TAOK1: variants seen among roughly 807,000 people sequenced by gnomAD.
The protein encoded by TAOK1 is TAO kinase 1.
A neutral mutation model predicts 138.3 loss-of-function variants in TAOK1; 21 were observed. The observed-to-expected ratio is 0.15, with a 90% CI of 0.11 to 0.22. The LOEUF is 0.22. Ranked by LOEUF, TAOK1 falls within the 10% of genes least tolerant of loss-of-function variation. The pLI is 1.00. For missense variants in TAOK1, 651 were observed against 1,227.7 expected (o/e 0.53, Z 7.02); for synonymous variants, 361 against 398.4 (o/e 0.91, Z 1.12).
chr17:29,400,372 A>G (rs985965305), intron 1 of TAOK1, among the ~76,000 whole-genome samples: 1 of 149,706 alleles, frequency 6.7e-6, no homozygotes, highest in East Asian at 2.0e-4. Context: ...CCTGGGAGAC[A>G]AGAGCAAAAC....
At position 29,495,577 on chromosome 17, in the gene TAOK1, G is replaced by A; in HGVS notation, c.849G>A (p.Arg283=). The A allele has an allele frequency of 6.3e-7, 1 of 1,599,272 alleles. No homozygotes were observed. The highest frequency in any genetic ancestry group is 8.5e-7 in the Non-Finnish European group (1 of 1,171,414). The part of the protein sequence containing the change: ...EELLKHIFVL[R]ERPETVLIDL... ...CTATCTAGCACATATTTGTTCTTCG[G>A]GAGCGCCCTGAAACCGTGTTAATAG... The change falls in exon 11 of 20, where the codon CGG becomes CGA. Residue 283 remains arginine (R), a synonymous_variant. Transcript: ENST00000261716.
chr17:29,440,291 CTG>C (rs2029905379), intron 1 of TAOK1, among the ~76,000 whole-genome samples: 1 of 152,076 alleles, frequency 6.6e-6, no homozygotes, highest in Admixed American at 6.6e-5. Context: ...CATAGAAAAA[CTG>C]TTAACATTTT....
At chr17:29,413,983 C>T (rs948413014) in intron 1 of TAOK1, among the ~76,000 whole-genome samples, 9 of 143,908 alleles carry the variant, frequency 6.3e-5, no homozygotes, top group East Asian at 2.3e-4. Flanking sequence ...CCGGGGTTCA[C>T]GCCATTCTCC....
At chr17:29,430,192 A>G (rs1785200761) in intron 1 of TAOK1, among the ~76,000 whole-genome samples, 1 of 152,240 alleles carries the variant, frequency 6.6e-6, no homozygotes, top group Non-Finnish European at 1.5e-5. Flanking sequence ...GAAAGCAGGG[A>G]TTTATTGAAA....
At chr17:29,423,748 T>G (rs1042519585) in intron 1 of TAOK1, among the ~76,000 whole-genome samples, 2 of 78,558 alleles carry the variant, frequency 2.5e-5, no homozygotes, top group East Asian at 7.3e-4. Context: ...ATTCTTTATT[T>G]ATTAAAACTT....
At chr17:29,417,680 C>T (rs953933568) in intron 1 of TAOK1, among the ~76,000 whole-genome samples, 2 of 152,152 alleles carry the variant, frequency 1.3e-5, no homozygotes, top group African/African-American at 4.8e-5. Context: ...GCCTTGCCTT[C>T]CTTGTATATC....
chr17:29,451,412 C>T (rs1488219979), intron 1 of TAOK1, 43 bp from the exon 2 acceptor site: 1 of 932,238 alleles, frequency 1.1e-6, no homozygotes, highest in African/African-American at 1.7e-5. Context: ...TTATTCTTAG[C>T]AGTTTTTGCC....
chr17:29,433,282 T>G (rs1244594489), intron 1 of TAOK1, among the ~76,000 whole-genome samples: 1 of 151,852 alleles, frequency 6.6e-6, no homozygotes, highest in Non-Finnish European at 1.5e-5. Flanking sequence ...AATACAAAAA[T>G]TAGCTGGACG....
At chr17:29,410,612 G>GTT (rs1381576703) in intron 1 of TAOK1, among the ~76,000 whole-genome samples, 4 of 119,618 alleles carry the variant, frequency 3.3e-5, no homozygotes, top group African/African-American at 3.6e-5. Context: ...GTTAGCTAGG[G>GTT]TTTTTTGTTT....
intron 18 of TAOK1, among the ~76,000 whole-genome samples, chr17:29,533,614 G>A (rs958949287): frequency 1.1e-4 from 16 of 152,000 alleles, no homozygotes; most frequent in South Asian, 4.2e-4. Flanking sequence ...GGAGGCTGGC[G>A]GATCACTTGC....
chr17:29,442,435 C>T (rs78692173), intron 1 of TAOK1, among the ~76,000 whole-genome samples: 2,193 of 149,094 alleles, frequency 0.015, 52 homozygotes, highest in African/African-American at 0.052. Context: ...CACAGTTCTG[C>T]TAGCATATTT....
intron 1 of TAOK1, among the ~76,000 whole-genome samples, chr17:29,429,230 A>T (rs78185854): frequency 9.2e-5 from 14 of 152,282 alleles, no homozygotes; most frequent in African/African-American, 3.4e-4. Context: ...AGATGTACAG[A>T]AAAAGTGCAA....
At chr17:29,492,518 C>T (rs1037240139) in intron 10 of TAOK1, among the ~76,000 whole-genome samples, 1 of 152,172 alleles carries the variant, frequency 6.6e-6, no homozygotes, top group African/African-American at 2.4e-5. Flanking sequence ...CTTAGCCAGG[C>T]GCGGTGGCTC....
chr17:29,416,037 C>T (rs1390300065), intron 1 of TAOK1, among the ~76,000 whole-genome samples: 4 of 151,982 alleles, frequency 2.6e-5, no homozygotes, highest in African/African-American at 4.8e-5. Flanking sequence ...CTGAGGCAGG[C>T]GGATCACCTG....
chr17:29,422,370 A>AT (rs760670365), intron 1 of TAOK1, among the ~76,000 whole-genome samples: 207 of 138,514 alleles, frequency 1.5e-3, no homozygotes, highest in Middle Eastern at 3.9e-3. Context: ...CACCCAGCTA[A>AT]TTTTTTTTTT....
chr17:29,431,486 A>C (rs1319778419), intron 1 of TAOK1, among the ~76,000 whole-genome samples: 4 of 151,110 alleles, frequency 2.6e-5, no homozygotes, highest in Admixed American at 6.6e-5. Flanking sequence ...TGGATTACTA[A>C]ATTGGATACA....
At chr17:29,437,655 G>A (rs184351977) in intron 1 of TAOK1, among the ~76,000 whole-genome samples, 1 of 152,010 alleles carries the variant, frequency 6.6e-6, no homozygotes, top group Admixed American at 6.6e-5. Flanking sequence ...CCTGGAAGTG[G>A]GAAATAAATT....
At chr17:29,398,140 A>T (rs929467633) in intron 1 of TAOK1, among the ~76,000 whole-genome samples, 1 of 152,092 alleles carries the variant, frequency 6.6e-6, no homozygotes, top group Non-Finnish European at 1.5e-5. Context: ...AAGAGCTGGG[A>T]TTACAGGCAT....
chr17:29,426,559 C>A (rs747647755), intron 1 of TAOK1, among the ~76,000 whole-genome samples: 1 of 152,084 alleles, frequency 6.6e-6, no homozygotes, highest in Non-Finnish European at 1.5e-5. Flanking sequence ...TGGCTCTAAG[C>A]CAGGGGCATC....
Sources: gnomAD v4.1 joint callset for allele counts (sites outside exome capture counted in the v4.1 genomes callset) on GRCh38, gnomAD v4.1.1 for gene constraint, MANE v1.5 for transcripts, NCBI Gene and HGNC (gene_info 2026-07-23, HGNC 2026-07-21) for gene names.